Variants in MGAT5 observed in about 807,000 individuals in gnomAD.
MGAT5 encodes alpha-1,6-mannosylglycoprotein 6-beta-N-acetylglucosaminyltransferase A.
A neutral mutation model predicts 94.3 loss-of-function variants in MGAT5; 30 were observed. That is an observed-to-expected ratio of 0.32 (90% CI 0.24 to 0.43). The LOEUF (loss-of-function observed/expected upper bound fraction) is 0.43, where lower values mean the gene tolerates loss of function less well. MGAT5 is among the 20% of genes least tolerant of loss of function. The pLI is 1.00. For missense variants in MGAT5, 691 were observed against 905.5 expected, an observed-to-expected ratio of 0.76 and a Z score of 3.04; for synonymous variants, 310 against 322.9, an observed-to-expected ratio of 0.96 and a Z score of 0.43.
chr2:134,414,451 G>A (rs989891123), intron 12 of MGAT5, among the ~76,000 whole-genome samples: 1 of 152,016 alleles, frequency 6.6e-6, no homozygotes, highest in African/African-American at 2.4e-5. Context: ...GGAGTTTGGC[G>A]GGGGGAAAGA....
Position 134,453,074 on chromosome 2 carries a change from TAGTA to T in MGAT5, c.*4230_*4233del, listed in dbSNP as rs1327694652. ...AGTGTTTAGCACAGTGCTTGGCACA[TAGTA>T]AGCCCTAGTAAATGTTAAATATTGT... is the stretch of plus-strand genomic sequence containing the variant. On this transcript the variant is annotated 3_prime_UTR_variant, in exon 16 of 16. Transcript: ENST00000281923. 2 of 152,246 alleles carry T rather than the reference TAGTA, an allele frequency of 1.3e-5. No individual in the cohort carries two copies. Among genetic ancestry groups the T allele is most frequent in the Middle Eastern group, 3.2e-3 (1 of 316 alleles). The allele number at this position is 152,246 out of a possible 1,614,324, so 9.4% of individuals were successfully genotyped here. A position where few individuals can be genotyped will look rare whatever the true frequency, so the allele number is the denominator to read the frequency against.
chr2:134,372,480 G>T (rs188964738), intron 10 of MGAT5, among the ~76,000 whole-genome samples: 5 of 152,170 alleles, frequency 3.3e-5, no homozygotes, highest in African/African-American at 1.2e-4. Context: ...GCACTGTCTC[G>T]TAGCCTCTTG....
At chr2:134,204,313 A>T (rs1379770574) in intron 1 of MGAT5, among the ~76,000 whole-genome samples, 1 of 152,184 alleles carries the variant, frequency 6.6e-6, no homozygotes, top group Non-Finnish European at 1.5e-5. Flanking sequence ...TAATCTCAGT[A>T]CGAGAAATTC....
At chr2:134,186,384 T>TC (rs961466312) in intron 1 of MGAT5, among the ~76,000 whole-genome samples, 3 of 151,968 alleles carry the variant, frequency 2.0e-5, no homozygotes, top group Non-Finnish European at 4.4e-5. Context: ...TCGTTTCTTT[T>TC]TTTTTTTTTA....
At chr2:134,226,195 T>C (rs1681053543) in intron 1 of MGAT5, among the ~76,000 whole-genome samples, 1 of 152,226 alleles carries the variant, frequency 6.6e-6, no homozygotes, top group South Asian at 2.1e-4. Context: ...AGCTTTTCCT[T>C]CCAAATTGCC....
At chr2:134,259,473 G>A (rs550916556) in intron 1 of MGAT5, among the ~76,000 whole-genome samples, 1 of 152,312 alleles carries the variant, frequency 6.6e-6, no homozygotes, top group East Asian at 1.9e-4. Flanking sequence ...TCTGAGGCAA[G>A]GTGACATTTC....
intron 1 of MGAT5, among the ~76,000 whole-genome samples, chr2:134,169,611 G>A (rs999576215): frequency 1.3e-5 from 2 of 152,124 alleles, no homozygotes; most frequent in African/African-American, 4.8e-5. Context: ...TGCTGTGGTG[G>A]TATACAGCAC....
At chr2:134,229,462 T>C (rs1338952313) in intron 1 of MGAT5, among the ~76,000 whole-genome samples, 2 of 152,236 alleles carry the variant, frequency 1.3e-5, no homozygotes, top group East Asian at 3.8e-4. Context: ...CCTGTATTAA[T>C]TAATCAGCTA....
chr2:134,329,044 G>A lies in MGAT5; in HGVS notation c.574-7173G>A, dbSNP rs187977871. 2.0e-5 allele frequency among the ~76,000 whole-genome samples: 3 copies of A among 152,172 alleles called. No homozygotes were observed. The East Asian group carries it at 5.8e-4, about 29-fold the overall frequency. The stretch of plus-strand genomic sequence containing the variant: ...AATGAGTTTTTTCAAATATAAGTAT[G>A]TGACAAACGCTGTGTGGGACATACT... On this transcript the variant is annotated intron_variant, in intron 4 of 15. Transcript: ENST00000281923.
chr2:134,448,030 G>A (rs886206558), intron 15 of MGAT5, among the ~76,000 whole-genome samples: 1 of 152,266 alleles, frequency 6.6e-6, no homozygotes, highest in Non-Finnish European at 1.5e-5. Flanking sequence ...TTTCCAGCAA[G>A]AGGCTAAGGC....
intron 11 of MGAT5, among the ~76,000 whole-genome samples, chr2:134,407,054 A>T (rs1370715554): frequency 6.6e-6 from 1 of 152,202 alleles, no homozygotes; most frequent in Non-Finnish European, 1.5e-5. Flanking sequence ...AGGAGTCAAA[A>T]TGAAACACAT....
intron 2 of MGAT5, among the ~76,000 whole-genome samples, chr2:134,307,742 G>C (rs1182208808): frequency 6.6e-6 from 1 of 152,114 alleles, no homozygotes; most frequent in East Asian, 1.9e-4. Context: ...TAGATTTGCT[G>C]TCCTGGTAAA....
At chr2:134,320,632 T>C (rs1687258806) in intron 4 of MGAT5, among the ~76,000 whole-genome samples, 1 of 152,190 alleles carries the variant, frequency 6.6e-6, no homozygotes, top group Non-Finnish European at 1.5e-5. Context: ...TTGTTTGCTG[T>C]TGCTGTTGTT....
chr2:134,421,798 C>T (rs1684309862), intron 12 of MGAT5, among the ~76,000 whole-genome samples: 1 of 152,038 alleles, frequency 6.6e-6, no homozygotes, highest in South Asian at 2.1e-4. Context: ...CTAGAATGCT[C>T]CCTTTACAAC....
chr2:134,349,102 A>T (rs1324256259), intron 8 of MGAT5, among the ~76,000 whole-genome samples: 3 of 152,204 alleles, frequency 2.0e-5, no homozygotes, highest in Non-Finnish European at 4.4e-5. Context: ...AATATTTTTT[A>T]AAAACCATTT....
chr2:134,341,839 G>A (rs185834785), intron 7 of MGAT5, 80 bp downstream of exon 7: 4 of 1,268,466 alleles, frequency 3.2e-6, no homozygotes, highest in Non-Finnish European at 4.3e-6. Flanking sequence ...CTCTATTAGT[G>A]TATAATTTTT....
At chr2:134,320,318 T>G (rs1403073325) in intron 4 of MGAT5, among the ~76,000 whole-genome samples, 1 of 152,200 alleles carries the variant, frequency 6.6e-6, no homozygotes, top group African/African-American at 2.4e-5. Flanking sequence ...CTTTTTTCCC[T>G]AAATCTGAGC....
chr2:134,422,899 A>G lies in MGAT5; in HGVS notation c.1774A>G (p.Lys592Glu). ...TCAGGAGGAAGTAGAGGATGCAGTG[A>G]AAGCAATTTTAAATCAGAAGGTTGG... ...NNQEEVEDAV[K>E]AILNQKIEPY... The change falls in exon 13 of 16, where the codon AAA (lysine) becomes GAA (glutamate). Residue 592 changes from lysine to glutamate, a missense_variant. Coordinates refer to ENST00000281923, the MANE Select transcript of MGAT5 (RefSeq NM_002410.5). 6.2e-7 allele frequency: 1 copy of G among 1,613,496 alleles called. No homozygotes were observed. The highest frequency in any genetic ancestry group is 8.5e-7 in the Non-Finnish European group (1 of 1,179,450).
intron 2 of MGAT5, among the ~76,000 whole-genome samples, chr2:134,277,753 T>G (rs1175332169): frequency 6.6e-6 from 1 of 152,250 alleles, no homozygotes; most frequent in African/African-American, 2.4e-5. Flanking sequence ...AATGGAACAC[T>G]GTAGTGACTT....
Sources: gnomAD v4.1 joint callset for allele counts (sites outside exome capture counted in the v4.1 genomes callset) on GRCh38, gnomAD v4.1.1 for gene constraint, MANE v1.5 for transcripts, NCBI Gene and HGNC (gene_info 2026-07-23, HGNC 2026-07-21) for gene names.